CAST: variants seen among roughly 807,000 people sequenced by gnomAD.
CAST encodes the protein MIR583 host.
Under a neutral mutation model 119.6 loss-of-function variants are expected in CAST, and 76 were observed. The ratio of observed to expected loss-of-function variants is 0.64; its 90% CI spans 0.53 to 0.77. CAST has a LOEUF of 0.77. Among genes scored for constraint, CAST ranks in the 30% least tolerant of loss-of-function variants. The pLI is 0.00. For missense variants in CAST, 953 were observed against 946.5 expected (o/e 1.01, Z -0.09); for synonymous variants, 319 against 331.6 (o/e 0.96, Z 0.41).
chr5:96,004,019 C>G, the CAST span, among the ~76,000 whole-genome samples: 1 of 152,158 alleles, frequency 6.6e-6, no homozygotes, highest in African/African-American at 2.4e-5. Flanking sequence ...GGCATACATT[C>G]AGAGCAAACC....
chr5:96,669,858 A>G (rs1015072489), intron 1 of CAST, among the ~76,000 whole-genome samples: 3 of 152,218 alleles, frequency 2.0e-5, no homozygotes, highest in African/African-American at 2.4e-5. Flanking sequence ...GTGGTTCTCA[A>G]TCCTGGCTGT....
chr5:96,152,453 G>A, the CAST span, among the ~76,000 whole-genome samples: 1 of 152,134 alleles, frequency 6.6e-6, no homozygotes, highest in Non-Finnish European at 1.5e-5. Context: ...CTGGGCAGAG[G>A]GCAATGCACC....
At chr5:96,555,697 G>A (rs1017749402) in intron 1 of CAST, among the ~76,000 whole-genome samples, 5 of 152,208 alleles carry the variant, frequency 3.3e-5, no homozygotes, top group East Asian at 1.9e-4. Context: ...CGCCATTGCC[G>A]AGGCTTGAGT....
chr5:96,515,584 T>C, the CAST span, among the ~76,000 whole-genome samples: 1 of 152,100 alleles, frequency 6.6e-6, no homozygotes, highest in African/African-American at 2.4e-5. Flanking sequence ...GCCAGTAATA[T>C]TTCTGTTTTC....
chr5:96,328,386 T>C, the CAST span, among the ~76,000 whole-genome samples: 1 of 58,206 alleles, frequency 1.7e-5, no homozygotes, highest in Non-Finnish European at 3.1e-5. Context: ...TCTCTCCCTC[T>C]CTCTCTCTCT....
the CAST span, among the ~76,000 whole-genome samples, chr5:96,193,356 A>G: frequency 1.3e-5 from 2 of 152,326 alleles, no homozygotes; most frequent in African/African-American, 4.8e-5. Flanking sequence ...AGAGATTTAA[A>G]TATGATACAG....
chr5:95,993,502 G>T, the CAST span, among the ~76,000 whole-genome samples: 1 of 152,128 alleles, frequency 6.6e-6, no homozygotes, highest in Non-Finnish European at 1.5e-5. Flanking sequence ...GGCCCAAGAT[G>T]CTGATAAACC....
At chr5:95,962,488 C>T in the CAST span, among the ~76,000 whole-genome samples, 5 of 152,152 alleles carry the variant, frequency 3.3e-5, no homozygotes, top group East Asian at 9.6e-4. Context: ...TCGGGTGCCA[C>T]ACGCAGAGCT....
At chr5:96,345,763 C>T in the CAST span, among the ~76,000 whole-genome samples, 1 of 152,144 alleles carries the variant, frequency 6.6e-6, no homozygotes, top group East Asian at 1.9e-4. Flanking sequence ...GACTTCAGTT[C>T]CCTGCTGGCT....
intron 1 of CAST, among the ~76,000 whole-genome samples, chr5:96,581,110 G>A (rs536609980): frequency 6.6e-6 from 1 of 152,368 alleles, no homozygotes; most frequent in South Asian, 2.1e-4. Context: ...TTTTACAGCA[G>A]CCTGAAAGGC....
chr5:96,262,843 T>A, the CAST span, among the ~76,000 whole-genome samples: 1 of 152,254 alleles, frequency 6.6e-6, no homozygotes, highest in Admixed American at 6.5e-5. Flanking sequence ...CCTACCAGCT[T>A]CTTTTTAGCA....
At chr5:96,613,410 G>A (rs944552936) in intron 1 of CAST, among the ~76,000 whole-genome samples, 5 of 151,944 alleles carry the variant, frequency 3.3e-5, no homozygotes, top group Non-Finnish European at 5.9e-5. Context: ...TTTAATACTA[G>A]GTACTTCAGA....
At chr5:96,636,460 T>G (rs1425663791) in intron 1 of CAST, among the ~76,000 whole-genome samples, 2 of 152,108 alleles carry the variant, frequency 1.3e-5, no homozygotes, top group Non-Finnish European at 2.9e-5. Context: ...CTTCTCTGAT[T>G]CCTTAAGATG....
chr5:96,371,140 G>A, the CAST span, among the ~76,000 whole-genome samples: 4 of 152,174 alleles, frequency 2.6e-5, no homozygotes, highest in Non-Finnish European at 5.9e-5. Flanking sequence ...AGCTCATAGT[G>A]TTCACTAGGC....
At chr5:96,207,503 A>G in the CAST span, among the ~76,000 whole-genome samples, 2 of 152,104 alleles carry the variant, frequency 1.3e-5, no homozygotes, top group African/African-American at 4.8e-5. Context: ...GCAAGTTTTT[A>G]ACATGAAGGG....
At chr5:96,284,073 G>C in the CAST span, among the ~76,000 whole-genome samples, 1 of 152,150 alleles carries the variant, frequency 6.6e-6, no homozygotes, top group Non-Finnish European at 1.5e-5. Context: ...AGTCGTGAGG[G>C]CTCACCTTCT....
intron 8 of CAST, 130 bp downstream of exon 8, chr5:96,729,855 T>A: frequency 1.6e-6 from 1 of 608,452 alleles, no homozygotes; most frequent in Non-Finnish European, 3.0e-6. Context: ...TATAGTGATT[T>A]GGTATTATTA....
chr5:95,964,450 G>C, the CAST span, among the ~76,000 whole-genome samples: 1 of 152,212 alleles, frequency 6.6e-6, no homozygotes, highest in Non-Finnish European at 1.5e-5. Context: ...TTCTGTTTCA[G>C]TGTGGCAAGT....
the CAST span, among the ~76,000 whole-genome samples, chr5:96,054,011 G>A: frequency 6.6e-6 from 1 of 152,078 alleles, no homozygotes; most frequent in African/African-American, 2.4e-5. Flanking sequence ...TTCTTAATAT[G>A]TGTTGACGTT....
Sources: allele counts gnomAD v4.1 joint callset (sites outside exome capture counted in the v4.1 genomes callset), GRCh38; gene constraint gnomAD v4.1.1; transcripts MANE v1.5; gene names NCBI Gene and HGNC (gene_info 2026-07-23, HGNC 2026-07-21).